The following FANCL variants were observed in gnomAD, a reference collection of about 807,000 sequenced individuals.
The protein encoded by FANCL is E3 ubiquitin-protein ligase FANCL.
In FANCL, 69 loss-of-function variants were observed where a neutral mutation model predicts 59.4. That is an observed-to-expected ratio of 1.16 (90% CI 0.96 to 1.42). The LOEUF is 1.42. Ranked by LOEUF, FANCL falls within the 40% of genes most tolerant of loss-of-function variation. The pLI, the probability that FANCL is intolerant of heterozygous loss-of-function variation, is 0.00. For synonymous variants in FANCL, 180 were observed against 147.1 expected (o/e 1.22, Z -1.62); for missense variants, 519 against 447.2 (o/e 1.16, Z -1.45).
chr2:58,219,587 A>G (rs1036490075), intron 5 of FANCL, among the ~76,000 whole-genome samples: 2 of 152,052 alleles, frequency 1.3e-5, no homozygotes, highest in Admixed American at 6.5e-5. Context: ...ATCAAGATCA[A>G]GATCAACAGT....
rs377436957 is a variant in FANCL, at chr2:58,159,394, T to G, written c.*371A>C. 2 of 1,613,036 alleles carry G rather than the reference T, an allele frequency of 1.2e-6. No homozygotes were observed. The highest frequency in any genetic ancestry group is 1.7e-5 in the Admixed American group (1 of 59,854). On this transcript the variant is annotated 3_prime_UTR_variant, in exon 14 of 14. Coordinates refer to ENST00000233741, the MANE Select transcript of FANCL (RefSeq NM_018062.4). ...GAAATATCAAGAGTCTCAAGAACCT[T>G]TGAATGAAGTAAACAGTTTCCCACA...
intron 2 of FANCL, 77 bp from the exon 3 acceptor site, chr2:58,229,951 C>A: frequency 3.2e-6 from 3 of 950,762 alleles, no homozygotes; most frequent in Non-Finnish European, 1.7e-6. Flanking sequence ...CACAAACATG[C>A]ATGTACATAC....
intron 5 of FANCL, among the ~76,000 whole-genome samples, chr2:58,218,138 A>G (rs1692032318): frequency 6.6e-6 from 1 of 152,110 alleles, no homozygotes. Context: ...TAATAGAAAT[A>G]TAACATCAAA....
chr2:58,175,658 A>G (rs890319542), intron 7 of FANCL, among the ~76,000 whole-genome samples: 2 of 152,238 alleles, frequency 1.3e-5, no homozygotes, highest in African/African-American at 2.4e-5. Flanking sequence ...GCTATCTATG[A>G]CAAACCCACA....
chr2:58,212,591 T>C (rs1156322376), intron 5 of FANCL, among the ~76,000 whole-genome samples: 2 of 152,208 alleles, frequency 1.3e-5, no homozygotes, highest in Non-Finnish European at 2.9e-5. Context: ...CTTTCAACTC[T>C]AGGATACTCT....
intron 3 of FANCL, among the ~76,000 whole-genome samples, chr2:58,227,299 A>C (rs1177981239): frequency 6.6e-6 from 1 of 152,210 alleles, no homozygotes; most frequent in Non-Finnish European, 1.5e-5. Context: ...AGTCAGCTCA[A>C]TTAGACCCCT....
chr2:58,241,308 C>T lies in FANCL; in HGVS notation c.6G>A (p.Ala2=), dbSNP rs781559042. The T allele has an allele frequency of 1.9e-6, 3 of 1,614,012 alleles. No homozygotes were observed. The highest frequency in any genetic ancestry group is 4.5e-5 in the East Asian group (2 of 44,896). M[A]VTEASLLRQC... is the part of the protein sequence containing the mutation. ...GGCGCAACAGGCTCGCTTCCGTCAC[C>T]GCCATGGCTCGAAGTCCGGAGAAAC... Residue 2 remains alanine, a synonymous_variant, in exon 1 of 14, where the codon GCG becomes GCA. Transcript: ENST00000233741.
rs778527521 is a variant in FANCL, at chr2:58,165,840, G to C, written c.575C>G (p.Ala192Gly). 6.2e-7 allele frequency: 1 copy of C among 1,613,844 alleles called. No individual in the cohort carries two copies. Among genetic ancestry groups the C allele is most frequent in the Non-Finnish European group, 8.5e-7 (1 of 1,179,928 alleles). The change falls in exon 8 of 14, where the codon GCA (alanine) becomes GGA (glycine). Residue 192 changes from alanine (A) to glycine (G), a missense_variant. Coordinates refer to ENST00000233741, the MANE Select transcript of FANCL (RefSeq NM_018062.4). ...SLISIYSQFLAAIESLKAFWD... is the reference protein window; with the variant it reads ...SLISIYSQFLGAIESLKAFWD... ...GAATGCCTTTAGTGATTCTATTGCT[G>C]CCAAAAACTGACTATAAATGCTTAT...
intron 5 of FANCL, among the ~76,000 whole-genome samples, chr2:58,219,261 T>C (rs1186814758): frequency 1.1e-4 from 15 of 138,962 alleles, no homozygotes; most frequent in Admixed American, 9.8e-4. Flanking sequence ...GAGCTCTCAA[T>C]GGCCAAAGCT....
intron 8 of FANCL, 58 bp downstream of exon 8, chr2:58,165,666 T>G (rs1685854470): frequency 6.5e-7 from 1 of 1,537,596 alleles, no homozygotes; most frequent in Non-Finnish European, 8.8e-7. Flanking sequence ...GTTAGATTTA[T>G]TTTCATAATA....
intron 7 of FANCL, among the ~76,000 whole-genome samples, chr2:58,174,375 C>T (rs1445033236): frequency 6.6e-6 from 1 of 152,074 alleles, no homozygotes; most frequent in Non-Finnish European, 1.5e-5. Context: ...CAAAATCGAC[C>T]ACATAGTTGG....
rs1207844764 is a variant in FANCL at position 58,162,312 on chromosome 2, ATT to A, written c.903+552_903+553del. 2.0e-5 allele frequency among the ~76,000 whole-genome samples: 3 copies of A among 151,960 alleles called. No homozygotes were observed. In the East Asian group the frequency reaches 5.8e-4, roughly 29 times the overall value. ...AAACACTTACATCAAGCTAATCAGT[ATT>A]TGAGCCATCCATAAACAGACTATGT... On this transcript the variant is annotated intron_variant, in intron 11 of 13. Coordinates refer to ENST00000233741, the MANE Select transcript of FANCL (RefSeq NM_018062.4).
At chr2:58,199,287 GT>G (rs754662879) in intron 6 of FANCL, among the ~76,000 whole-genome samples, 52 of 152,040 alleles carry the variant, frequency 3.4e-4, no homozygotes, top group Middle Eastern at 6.8e-3. Context: ...CTGGATCTCT[GT>G]TTATCTTTAA....
At chr2:58,169,638 G>A (rs1464669758) in intron 7 of FANCL, among the ~76,000 whole-genome samples, 1 of 151,658 alleles carries the variant, frequency 6.6e-6, no homozygotes, top group African/African-American at 2.4e-5. Context: ...CCCAATGCAA[G>A]GAAGCTAAGA....
intron 5 of FANCL, among the ~76,000 whole-genome samples, chr2:58,211,700 T>C (rs1045672250): frequency 6.6e-6 from 1 of 152,248 alleles, no homozygotes; most frequent in African/African-American, 2.4e-5. Context: ...TAGAAATTTC[T>C]TCCACCAGAT....
At chr2:58,218,795 T>C (rs781533833) in intron 5 of FANCL, among the ~76,000 whole-genome samples, 5 of 151,952 alleles carry the variant, frequency 3.3e-5, no homozygotes, top group African/African-American at 4.8e-5. Flanking sequence ...AGATTTCAGA[T>C]ATACCAAGCA....
chr2:58,182,055 A>C (rs781533301), intron 7 of FANCL, among the ~76,000 whole-genome samples: 1 of 151,864 alleles, frequency 6.6e-6, no homozygotes, highest in Non-Finnish European at 1.5e-5. Context: ...AATGTCTATG[A>C]TAAGCATTCT....
At chr2:58,234,940 T>C (rs968991192) in intron 1 of FANCL, among the ~76,000 whole-genome samples, 1 of 152,018 alleles carries the variant, frequency 6.6e-6, no homozygotes, top group Non-Finnish European at 1.5e-5. Context: ...TTTCAGACAT[T>C]AAACAATAGG....
At chr2:58,164,305 C>G (rs1422231696) in intron 8 of FANCL, among the ~76,000 whole-genome samples, 2 of 152,072 alleles carry the variant, frequency 1.3e-5, no homozygotes, top group East Asian at 3.9e-4. Context: ...AAGCCTTTCA[C>G]TAAGGCTGGC....
Sources: allele counts gnomAD v4.1 joint callset (sites outside exome capture counted in the v4.1 genomes callset), GRCh38; gene constraint gnomAD v4.1.1; transcripts MANE v1.5; gene names NCBI Gene and HGNC (gene_info 2026-07-23, HGNC 2026-07-21).